AGRN: variants seen among roughly 807,000 people sequenced by gnomAD.
The protein encoded by AGRN is agrin proteoglycan.
A neutral mutation model predicts 211.0 loss-of-function variants in AGRN; 106 were observed. The observed-to-expected ratio is 0.50, with a 90% CI of 0.43 to 0.59. AGRN has a LOEUF of 0.59. AGRN is among the 20% of genes least tolerant of loss of function. The pLI, the probability that AGRN is intolerant of heterozygous loss-of-function variation, is 0.00. For synonymous variants in AGRN, 1,525 were observed against 1,332.5 expected (o/e 1.14, Z -3.15); for missense variants, 3,040 against 2,982.6 (o/e 1.02, Z -0.45).
Position 1,049,076 on chromosome 1 carries a change from C to A in AGRN, c.4298+17C>A. On this transcript the variant is annotated intron_variant, in intron 24 of 35. Coordinates refer to ENST00000379370, the MANE Select transcript of AGRN (RefSeq NM_198576.4). Reference sequence around the variant, plus strand: ...GCAGCTCAGGTGGGCGGGGAGGGGACGGGGCCGGGGCAGCTCAGGTGGGCG... The same window carrying A: ...GCAGCTCAGGTGGGCGGGGAGGGGAAGGGGCCGGGGCAGCTCAGGTGGGCG... The A allele has an allele frequency of 9.5e-7, 1 of 1,054,264 alleles. No homozygotes were observed. 65.3% of individuals were successfully genotyped at this position (1,054,264 alleles called of 1,614,324 possible). A position where few individuals can be genotyped will look rare whatever the true frequency, so the allele number is the denominator to read the frequency against.
rs1451234273 is a variant in AGRN at position 1,032,462 on chromosome 1, G to A, written c.464-2815G>A. Among the ~76,000 whole-genome samples the A allele has an allele frequency of 6.6e-6, 1 of 152,190 alleles. No individual in the cohort carries two copies. Among genetic ancestry groups the A allele is most frequent in the Non-Finnish European group, 1.5e-5 (1 of 68,038 alleles). On this transcript the variant is annotated intron_variant, in intron 2 of 35. Coordinates refer to ENST00000379370, the MANE Select transcript of AGRN (RefSeq NM_198576.4). This position sits in a 1 kb window ranked among gnomAD's most constrained non-coding sequence, Gnocchi z 4.7. ...GCACCTGGAAGGAAGGAGGCGTTGG[G>A]GAGAGTCCAGATGGAGGCCATGGGG...
In AGRN at chr1:1,044,127, G is replaced by T. The variant is rs1288291600; in HGVS notation, c.2018G>T (p.Gly673Val). The T allele has an allele frequency of 6.2e-7, 1 of 1,613,262 alleles. No individual in the cohort carries two copies. The highest frequency in any genetic ancestry group is 1.7e-5 in the Admixed American group (1 of 60,032). Residue 673 changes from glycine to valine, a missense_variant, in exon 11 of 36, where the codon GGC becomes GTC. Coordinates refer to ENST00000379370, the MANE Select transcript of AGRN (RefSeq NM_198576.4). ...PCEQAECGSG[G>V]SGSGEDGDCE... ...CCCGCAGCCGAGTGCGGTTCCGGAG[G>T]CTCTGGCTCTGGGGAGGACGGTGAC...
At position 1,049,934 on chromosome 1, in the gene AGRN, C is replaced by T; in HGVS notation, c.4776C>T (p.Cys1592=). 1 of 1,611,886 alleles carries T rather than the reference C, an allele frequency of 6.2e-7. No individual in the cohort carries two copies. The highest frequency in any genetic ancestry group is 1.7e-4 in the Middle Eastern group (1 of 6,056). ...CCTGTGCCGATGAGAAGAGCCCCTG[C>T]CAGCCCAACCCCTGCCATGGGGCGG... ...GPTCADEKSP[C]QPNPCHGAAP... The change falls in exon 27 of 36, where the codon TGC becomes TGT. Residue 1592 remains cysteine (C), a synonymous_variant. Transcript: ENST00000379370.
chr1:1,034,780 C>G, intron 2 of AGRN: 1 of 963,476 alleles, frequency 1.0e-6, no homozygotes, highest in African/African-American at 1.7e-5. Flanking sequence ...CTGGAGGCCG[C>G]GGCGGGTCCG....
At chr1:1,035,542 C>G (rs1314008378) in intron 3 of AGRN, among the ~76,000 whole-genome samples, 1 of 152,258 alleles carries the variant, frequency 6.6e-6, no homozygotes, top group Non-Finnish European at 1.5e-5. Context: ...CCTCGGCTCT[C>G]ACTTCTCTGG....
Position 1,049,558 on chromosome 1 carries a change from G to A in AGRN, c.4515-8G>A. ...TGAGCCCTGACCCGGTGTCCCTCCT[G>A]GTGGCAGGGCGCTGGAGCGGACCTT... is the stretch of plus-strand genomic sequence containing the variant. On this transcript the variant is annotated splice_region_variant and splice_polypyrimidine_tract_variant and intron_variant, in intron 25 of 35. Transcript: ENST00000379370. The A allele has an allele frequency of 6.3e-7, 1 of 1,590,252 alleles. No individual in the cohort carries two copies. The highest frequency in any genetic ancestry group is 8.5e-7 in the Non-Finnish European group (1 of 1,169,622).
Position 1,047,375 on chromosome 1 carries a change from A to G in AGRN, c.3437A>G (p.Gln1146Arg). The change falls in exon 20 of 36, where the codon CAG becomes CGG. Residue 1146 changes from glutamine to arginine, a missense_variant. Coordinates refer to ENST00000379370, the MANE Select transcript of AGRN (RefSeq NM_198576.4). ...CTGGAGCTGGAGGGCGTCGAGGGCC[A>G]GGAGCTGTTCTACACGCCCGAGATG... ...GVLELEGVEG[Q>R]ELFYTPEMAD... 6.2e-7 allele frequency: 1 copy of G among 1,611,176 alleles called. No homozygotes were observed.
intron 25 of AGRN, 52 bp downstream of exon 25, chr1:1,049,503 G>A (rs577157456): frequency 1.2e-5 from 19 of 1,595,088 alleles, no homozygotes; most frequent in Middle Eastern, 1.7e-4. Context: ...TTGGGGTCCC[G>A]GTGTACGAGG....
intron 3 of AGRN, among the ~76,000 whole-genome samples, chr1:1,040,292 T>C (rs1488820881): frequency 6.6e-6 from 1 of 152,178 alleles, no homozygotes; most frequent in East Asian, 1.9e-4. Context: ...GTGCCCGAGT[T>C]GGTTTCGAGG....
chr1:1,043,198 G>T (rs756471034), intron 7 of AGRN, 41 bp from the exon 8 acceptor site: 13 of 1,556,790 alleles, frequency 8.4e-6, no homozygotes, highest in East Asian at 7.2e-5. Flanking sequence ...TGCAGCGGAG[G>T]GGGGGCTTGT....
rs189784653 is a variant in AGRN at position 1,050,855 on chromosome 1, C to T, written c.5253+18C>T. On this transcript the variant is annotated intron_variant, in intron 30 of 35. Transcript: ENST00000379370. Reference sequence around the variant, plus strand: ...AGTCCCCGGTGAGTGCTCTGGGCCGCGAGGGGACTCCCGCTGCTGCCTGCT... The same window carrying T: ...AGTCCCCGGTGAGTGCTCTGGGCCGTGAGGGGACTCCCGCTGCTGCCTGCT... 132 of 1,539,454 alleles carry T rather than the reference C, an allele frequency of 8.6e-5. No homozygotes were observed. The Admixed American group carries it at 1.0e-3, about 12-fold the overall frequency.
intron 2 of AGRN, among the ~76,000 whole-genome samples, chr1:1,024,143 C>T (rs1644468488): frequency 6.6e-6 from 1 of 152,050 alleles, no homozygotes; most frequent in East Asian, 1.9e-4. Context: ...ACATGTGGAG[C>T]TCTGCTGTGG....
chr1:1,048,505 T>G lies in AGRN; in HGVS notation c.4105+140T>G. 5 of 763,900 alleles carry G rather than the reference T, an allele frequency of 6.5e-6. No homozygotes were observed. Among genetic ancestry groups the G allele is most frequent in the Non-Finnish European group, 1.0e-5 (5 of 495,390 alleles). 47.3% of individuals were successfully genotyped at this position (763,900 alleles called of 1,614,324 possible). A position where few individuals can be genotyped will look rare whatever the true frequency, so the allele number is the denominator to read the frequency against. ...CGGGGTTTCGGCCAGATGCGGTGGC[T>G]CACGCCTGTAATCCCAGCACTTTGG... On this transcript the variant is annotated intron_variant, in intron 23 of 35. Coordinates refer to ENST00000379370, the MANE Select transcript of AGRN (RefSeq NM_198576.4). This position sits in a 1 kb window ranked among gnomAD's most constrained non-coding sequence, Gnocchi z 5.9.
At chr1:1,025,258 C>T (rs1322644248) in intron 2 of AGRN, among the ~76,000 whole-genome samples, 3 of 152,164 alleles carry the variant, frequency 2.0e-5, no homozygotes, top group South Asian at 2.1e-4. Context: ...CTCTGAAGCC[C>T]GGGGTCCCGG....
chr1:1,049,118 G>A lies in AGRN; in HGVS notation c.4298+59G>A, dbSNP rs1246967878. 10 of 946,238 alleles carry A rather than the reference G, an allele frequency of 1.1e-5. 1 individual carries two copies. The highest frequency in any genetic ancestry group is 9.5e-5 in the South Asian group (5 of 52,862). The allele number at this position is 946,238 out of a possible 1,614,324, so 58.6% of individuals were successfully genotyped here. A position where few individuals can be genotyped will look rare whatever the true frequency, so the allele number is the denominator to read the frequency against. On this transcript the variant is annotated intron_variant, in intron 24 of 35. Coordinates refer to ENST00000379370, the MANE Select transcript of AGRN (RefSeq NM_198576.4). ...AGGTGGGCGGGGAGGGGACGGGCGG[G>A]GGAGGGGGGGCCGGGGCAGCTCAGG...
Position 1,045,872 on chromosome 1 carries a change from A to G in AGRN, c.2676A>G (p.Glu892=), listed in dbSNP as rs965603003. 6 of 1,610,624 alleles carry G rather than the reference A, an allele frequency of 3.7e-6. No homozygotes were observed. The African/African-American group carries it at 6.7e-5, about 18-fold the overall frequency. ...DGRALGPAGC[E]ADASAPATCA... Reference sequence around the variant, plus strand: ...GTGCCCTGGGCCCCGCGGGCTGTGAAGCTGGTGAGTGAGGGCCAGCGCTAC... The same window carrying G: ...GTGCCCTGGGCCCCGCGGGCTGTGAGGCTGGTGAGTGAGGGCCAGCGCTAC... Residue 892 remains glutamate, a synonymous_variant, in exon 15 of 36, where the codon GAA becomes GAG. Transcript: ENST00000379370.
chr1:1,035,189 G>A (rs1644773712), intron 2 of AGRN, 88 bp from the exon 3 acceptor site: 1 of 1,419,186 alleles, frequency 7.0e-7, no homozygotes, highest in Non-Finnish European at 9.8e-7. Context: ...GGGGTGGGCA[G>A]GGGTGCCCCT....
At chr1:1,050,875 C>T (rs1645265036) in intron 30 of AGRN, 38 bp downstream of exon 30, 3 of 1,527,166 alleles carry the variant, frequency 2.0e-6, no homozygotes, top group Admixed American at 2.0e-5. Context: ...CCCGCTGCTG[C>T]CTGCTCTTCC....
chr1:1,050,063 A>AG lies in AGRN; in HGVS notation c.4879+41dup, dbSNP rs71576592. The AG allele has an allele frequency of 6.8e-6, 7 of 1,028,050 alleles. No individual in the cohort carries two copies. In the African/African-American group the frequency reaches 6.8e-5, roughly 10 times the overall value. 63.7% of individuals were successfully genotyped at this position (1,028,050 alleles called of 1,614,324 possible). ...GTCGGGGGCGTGGGGCTCTCGGGGC[A>AG]GGGGGGGGGGGGGGGTTGAACGTTT... On this transcript the variant is annotated intron_variant, in intron 27 of 35. Coordinates refer to ENST00000379370, the MANE Select transcript of AGRN (RefSeq NM_198576.4).
Sources: allele counts gnomAD v4.1 joint callset (sites outside exome capture counted in the v4.1 genomes callset), GRCh38; gene constraint gnomAD v4.1.1; non-coding constraint Gnocchi (gnomAD v3.1); transcripts MANE v1.5; gene names NCBI Gene and HGNC (gene_info 2026-07-23, HGNC 2026-07-21).